RNF180: variants seen among roughly 807,000 people sequenced by gnomAD.
The protein encoded by RNF180 is ring finger protein 180.
Under a neutral mutation model 59.2 loss-of-function variants are expected in RNF180, and 38 were observed. The observed-to-expected ratio is 0.64, with a 90% CI of 0.50 to 0.84. The LOEUF (loss-of-function observed/expected upper bound fraction) is 0.84, where lower values mean the gene tolerates loss of function less well. Ranked by LOEUF, RNF180 falls within the 40% of genes least tolerant of loss-of-function variation. The pLI, the probability that RNF180 is intolerant of heterozygous loss-of-function variation, is 0.00. For synonymous variants in RNF180, 262 were observed against 240.3 expected (o/e 1.09, Z -0.84); for missense variants, 705 against 700.9 (o/e 1.01, Z -0.07).
chr5:64,287,642 CATT>C (rs1421206751), intron 5 of RNF180, among the ~76,000 whole-genome samples: 2 of 152,160 alleles, frequency 1.3e-5, no homozygotes, highest in Non-Finnish European at 2.9e-5. Context: ...AATGGTATCT[CATT>C]GTGGTTTTGA....
intron 7 of RNF180, among the ~76,000 whole-genome samples, chr5:64,350,065 TC>T: frequency 6.6e-6 from 1 of 152,278 alleles, no homozygotes; most frequent in South Asian, 2.1e-4. Flanking sequence ...CTCCACATCC[TC>T]CCCAGAACCT....
chr5:64,334,464 G>A (rs1745038761), intron 7 of RNF180, among the ~76,000 whole-genome samples: 1 of 151,914 alleles, frequency 6.6e-6, no homozygotes, highest in Admixed American at 6.6e-5. Flanking sequence ...ATGGTCTGTT[G>A]AGGCCTGAAA....
At chr5:64,220,016 T>G (rs1262148961) in intron 5 of RNF180, among the ~76,000 whole-genome samples, 7 of 152,184 alleles carry the variant, frequency 4.6e-5, no homozygotes, top group Non-Finnish European at 8.8e-5. Context: ...AAATTACATG[T>G]TTAACATTGT....
intron 7 of RNF180, among the ~76,000 whole-genome samples, chr5:64,333,119 CTG>C (rs1744982328): frequency 6.6e-6 from 1 of 152,154 alleles, no homozygotes; most frequent in East Asian, 1.9e-4. Flanking sequence ...TGGTCAGTAA[CTG>C]TAAAAATTTA....
At chr5:64,274,248 ATTTGGGTACT>A (rs1741590478) in intron 5 of RNF180, among the ~76,000 whole-genome samples, 1 of 151,692 alleles carries the variant, frequency 6.6e-6, no homozygotes, top group African/African-American at 2.4e-5. Flanking sequence ...TAAAATCTCC[ATTTGGGTACT>A]TTTTTCAAAT....
chr5:64,220,251 T>C (rs1415130644), intron 5 of RNF180, among the ~76,000 whole-genome samples: 2 of 151,962 alleles, frequency 1.3e-5, no homozygotes, highest in Non-Finnish European at 2.9e-5. Flanking sequence ...TGTATATATT[T>C]ACATATATTT....
chr5:64,184,718 C>T (rs951998320), intron 1 of RNF180, among the ~76,000 whole-genome samples: 1 of 152,100 alleles, frequency 6.6e-6, no homozygotes, highest in Non-Finnish European at 1.5e-5. Context: ...TAAAGTATCC[C>T]TGGGCTGGTG....
At chr5:64,317,118 C>A (rs1002191735) in intron 5 of RNF180, among the ~76,000 whole-genome samples, 2 of 152,094 alleles carry the variant, frequency 1.3e-5, no homozygotes, top group Non-Finnish European at 2.9e-5. Context: ...CCACCCAGTT[C>A]AAACCCATGT....
At chr5:64,217,519 T>G in intron 5 of RNF180, 123 bp downstream of exon 5, 2 of 1,267,966 alleles carry the variant, frequency 1.6e-6, no homozygotes, top group Non-Finnish European at 1.0e-6. Flanking sequence ...AGCACTGGTA[T>G]TCTCAGTGTT....
At chr5:64,248,397 G>C (rs1269723945) in intron 5 of RNF180, among the ~76,000 whole-genome samples, 3 of 151,960 alleles carry the variant, frequency 2.0e-5, no homozygotes, top group Non-Finnish European at 4.4e-5. Flanking sequence ...CAAAGAACTT[G>C]AACAAATTTA....
chr5:64,231,886 T>C (rs1742122385), intron 5 of RNF180, among the ~76,000 whole-genome samples: 2 of 152,072 alleles, frequency 1.3e-5, no homozygotes, highest in Non-Finnish European at 2.9e-5. Flanking sequence ...AGTCAAAGAG[T>C]AGTGCTCCCC....
At chr5:64,178,800 A>G (rs1029765888) in intron 1 of RNF180, among the ~76,000 whole-genome samples, 2 of 152,166 alleles carry the variant, frequency 1.3e-5, no homozygotes, top group Non-Finnish European at 2.9e-5. Flanking sequence ...TTCCAACTAC[A>G]TATTTTTTCT....
At chr5:64,195,590 C>T (rs1751416186) in intron 1 of RNF180, among the ~76,000 whole-genome samples, 2 of 152,132 alleles carry the variant, frequency 1.3e-5, no homozygotes, top group Admixed American at 1.3e-4. Flanking sequence ...TTACCATTGG[C>T]TAATTGATAT....
At chr5:64,211,442 T>G (rs2112105430) in intron 2 of RNF180, among the ~76,000 whole-genome samples, 1 of 152,266 alleles carries the variant, frequency 6.6e-6, no homozygotes, top group East Asian at 1.9e-4. Flanking sequence ...TTTTAGCATC[T>G]CTCATGTAAG....
chr5:64,204,037 A>AG, intron 2 of RNF180, among the ~76,000 whole-genome samples: 1 of 152,112 alleles, frequency 6.6e-6, no homozygotes, highest in Non-Finnish European at 1.5e-5. Context: ...CATATATATA[A>AG]TAAGTGTTTA....
intron 5 of RNF180, among the ~76,000 whole-genome samples, chr5:64,292,751 A>C (rs1742667849): frequency 6.6e-6 from 1 of 152,160 alleles, no homozygotes; most frequent in African/African-American, 2.4e-5. Context: ...AACCACAGAG[A>C]TATCAGCAGC....
chr5:64,295,495 G>A (rs538518338), intron 5 of RNF180, among the ~76,000 whole-genome samples: 2 of 152,266 alleles, frequency 1.3e-5, no homozygotes, highest in East Asian at 1.9e-4. Flanking sequence ...TAATGCATAA[G>A]GTTGGAACAT....
intron 1 of RNF180, among the ~76,000 whole-genome samples, chr5:64,178,333 G>A (rs1012760432): frequency 6.6e-6 from 1 of 152,052 alleles, no homozygotes; most frequent in Admixed American, 6.5e-5. Flanking sequence ...ATCTCCACCT[G>A]ATGCTTTCCA....
At chr5:64,301,190 A>G (rs1743143655) in intron 5 of RNF180, among the ~76,000 whole-genome samples, 1 of 151,848 alleles carries the variant, frequency 6.6e-6, no homozygotes, top group Non-Finnish European at 1.5e-5. Flanking sequence ...ACTGAACAAC[A>G]GCAATAAGAA....
Sources: gnomAD v4.1 joint callset for allele counts (sites outside exome capture counted in the v4.1 genomes callset) on GRCh38, gnomAD v4.1.1 for gene constraint, MANE v1.5 for transcripts, NCBI Gene and HGNC (gene_info 2026-07-23, HGNC 2026-07-21) for gene names.